The following UST variants were observed in gnomAD, a reference collection of about 807,000 sequenced individuals.
UST encodes uronyl 2-sulfotransferase, also known as chondroitin sulfate 2-O-sulfotransferase.
In UST, 21 loss-of-function variants were observed where a neutral mutation model predicts 45.6. The observed-to-expected ratio is 0.46, with a 90% CI of 0.33 to 0.66. The LOEUF is 0.66. Among genes scored for constraint, UST ranks in the 30% least tolerant of loss-of-function variants. UST has a pLI of 0.02. For missense variants in UST, 463 were observed against 512.4 expected (o/e 0.90, Z 0.93); for synonymous variants, 215 against 200.6 (o/e 1.07, Z -0.61).
intron 2 of UST, among the ~76,000 whole-genome samples, chr6:148,913,728 A>G (rs1779524757): frequency 6.6e-6 from 1 of 152,202 alleles, no homozygotes. Context: ...CTGCCATATT[A>G]GACGAAAGTC....
chr6:148,877,386 A>G (rs929288583), intron 1 of UST, among the ~76,000 whole-genome samples: 1 of 32,284 alleles, frequency 3.1e-5, no homozygotes, highest in Non-Finnish European at 4.9e-5. Flanking sequence ...GGGGTCGTGT[A>G]TGAGTGCGGG....
intron 1 of UST, among the ~76,000 whole-genome samples, chr6:148,775,080 T>C (rs1033906959): frequency 6.6e-6 from 1 of 152,160 alleles, no homozygotes; most frequent in Non-Finnish European, 1.5e-5. Flanking sequence ...GACTTCATAA[T>C]GATCTCACCT....
intron 5 of UST, among the ~76,000 whole-genome samples, chr6:149,008,056 G>A (rs958300801): frequency 6.6e-6 from 1 of 152,148 alleles, no homozygotes; most frequent in Admixed American, 6.5e-5. Context: ...AGCTGTTGCT[G>A]CTGGTTATGG....
intron 3 of UST, among the ~76,000 whole-genome samples, chr6:148,948,437 AG>A (rs1351385454): frequency 6.6e-6 from 1 of 152,210 alleles, no homozygotes; most frequent in Non-Finnish European, 1.5e-5. Flanking sequence ...CTGCAGGTAA[AG>A]GTTTTCTGCT....
intron 1 of UST, among the ~76,000 whole-genome samples, chr6:148,756,683 T>A (rs893948069): frequency 1.3e-5 from 2 of 152,338 alleles, no homozygotes; most frequent in Non-Finnish European, 2.9e-5. Flanking sequence ...CTTATGAAGT[T>A]TTGACATTCT....
At position 148,880,178 on chromosome 6, in the gene UST, C is replaced by A. The variant is rs186723988; in HGVS notation, c.248-6808C>A. ...CCATGTTGGCCAGGCTAGTGTCAAA[C>A]TCCTGACCTCAGGTGATCCACCCAC... On this transcript the variant is annotated intron_variant, in intron 1 of 7. Coordinates refer to ENST00000367463, the MANE Select transcript of UST (RefSeq NM_005715.3). Among the ~76,000 whole-genome samples, 112 of 152,204 alleles carry A rather than the reference C, an allele frequency of 7.4e-4. 1 individual carries two copies. Among genetic ancestry groups the A allele is most frequent in the African/African-American group, 2.6e-3 (109 of 41,530 alleles).
At chr6:149,010,908 A>AAAAAAAC (rs1317592355) in intron 5 of UST, among the ~76,000 whole-genome samples, 9 of 104,676 alleles carry the variant, frequency 8.6e-5, no homozygotes, top group African/African-American at 2.8e-4. Context: ...AAAAAAAAAA[A>AAAAAAAC]AAAAAAAAAA....
At chr6:148,762,535 CTTTT>C (rs373630504) in intron 1 of UST, among the ~76,000 whole-genome samples, 1 of 133,766 alleles carries the variant, frequency 7.5e-6, no homozygotes, top group African/African-American at 2.8e-5. Context: ...AGGCTTCTAT[CTTTT>C]TTTTTTTTTT....
At chr6:149,035,909 T>C (rs961767543) in intron 7 of UST, among the ~76,000 whole-genome samples, 23 of 152,208 alleles carry the variant, frequency 1.5e-4, no homozygotes, top group African/African-American at 4.8e-4. Context: ...AGTTTTTTTC[T>C]CTCTGGAGTT....
At chr6:148,930,850 T>C (rs1378940611) in intron 2 of UST, among the ~76,000 whole-genome samples, 1 of 152,234 alleles carries the variant, frequency 6.6e-6, no homozygotes, top group Non-Finnish European at 1.5e-5. Context: ...ACAATGATCA[T>C]TTGAATCTAA....
chr6:148,938,970 A>G (rs1780072230), intron 2 of UST, among the ~76,000 whole-genome samples: 1 of 152,054 alleles, frequency 6.6e-6, no homozygotes, highest in Admixed American at 6.6e-5. Flanking sequence ...TTATTATAGA[A>G]AATCCTAAAG....
intron 7 of UST, among the ~76,000 whole-genome samples, chr6:149,058,345 A>ATGTGTGTGTGTG (rs56994081): frequency 5.0e-5 from 6 of 119,818 alleles, no homozygotes; most frequent in African/African-American, 1.8e-4. Flanking sequence ...AAGGAGGAGC[A>ATGTGTGTGTGTG]TGTGTGTGTG....
chr6:148,808,424 G>A (rs1396789135), intron 1 of UST, among the ~76,000 whole-genome samples: 1 of 151,952 alleles, frequency 6.6e-6, no homozygotes, highest in Non-Finnish European at 1.5e-5. Context: ...TTGCCTGCTT[G>A]TGAGGGGGGT....
At chr6:148,770,052 C>T (rs578173268) in intron 1 of UST, among the ~76,000 whole-genome samples, 196 of 152,062 alleles carry the variant, frequency 1.3e-3, no homozygotes, top group Middle Eastern at 0.01. Flanking sequence ...AAAACATTGA[C>T]CCTGCGATCA....
intron 4 of UST, among the ~76,000 whole-genome samples, chr6:148,958,061 T>C (rs1449562601): frequency 6.6e-6 from 1 of 152,226 alleles, no homozygotes; most frequent in Non-Finnish European, 1.5e-5. Context: ...ATACCATAGC[T>C]AATTGCCCTT....
At chr6:148,916,486 T>C (rs1346017996) in intron 2 of UST, among the ~76,000 whole-genome samples, 1 of 152,186 alleles carries the variant, frequency 6.6e-6, no homozygotes, top group East Asian at 1.9e-4. Context: ...TTCACAGTGT[T>C]AGTGCAGACA....
At chr6:149,012,745 C>A (rs1163424868) in intron 5 of UST, among the ~76,000 whole-genome samples, 1 of 147,860 alleles carries the variant, frequency 6.8e-6, no homozygotes, top group Non-Finnish European at 1.5e-5. Context: ...TAGCACATTA[C>A]ATGTTTCTGT....
chr6:148,931,617 G>T (rs115462070), intron 2 of UST, among the ~76,000 whole-genome samples: 117 of 152,284 alleles, frequency 7.7e-4, no homozygotes, highest in African/African-American at 2.7e-3. Flanking sequence ...AAGGACTTTT[G>T]GACGACTGAA....
chr6:149,052,130 T>C (rs1303667957), intron 7 of UST, among the ~76,000 whole-genome samples: 1 of 152,212 alleles, frequency 6.6e-6, no homozygotes, highest in Non-Finnish European at 1.5e-5. Flanking sequence ...GACCTTAAAA[T>C]TTTATAGGAG....
Sources: allele counts gnomAD v4.1 joint callset (sites outside exome capture counted in the v4.1 genomes callset), GRCh38; gene constraint gnomAD v4.1.1; transcripts MANE v1.5; gene names NCBI Gene and HGNC (gene_info 2026-07-23, HGNC 2026-07-21).